KIAA1217: variants seen among roughly 807,000 people sequenced by gnomAD.
KIAA1217 encodes the protein KIAA1217, also known as sickle tail protein homolog.
A neutral mutation model predicts 163.9 loss-of-function variants in KIAA1217; 88 were observed. The ratio of observed to expected loss-of-function variants is 0.54; its 90% CI spans 0.45 to 0.64. The LOEUF (loss-of-function observed/expected upper bound fraction) is 0.64, where lower values mean the gene tolerates loss of function less well. KIAA1217 is among the 30% of genes least tolerant of loss of function. KIAA1217 has a pLI of 0.00. For missense variants in KIAA1217, 2,372 were observed against 2,475.0 expected (o/e 0.96, Z 0.88); for synonymous variants, 903 against 923.1 (o/e 0.98, Z 0.39).
rs76418441 is a variant in KIAA1217 at position 24,395,042 on chromosome 10, G to A, written c.553+13975G>A. Among the ~76,000 whole-genome samples, 1,511 of 152,184 alleles carry A rather than the reference G, an allele frequency of 9.9e-3. 24 individuals are homozygous for A. The highest frequency in any genetic ancestry group is 0.035 in the African/African-American group (1,434 of 41,506). On this transcript the variant is annotated intron_variant, in intron 3 of 20. Transcript: ENST00000376454. ...GGTGACATGGATGCTGCAGGTCAGG[G>A]GACCACTGATTGAGGGTGAGACATG...
chr10:24,295,747 C>T (rs996896700), intron 2 of KIAA1217, among the ~76,000 whole-genome samples: 1 of 152,096 alleles, frequency 6.6e-6, no homozygotes, highest in African/African-American at 2.4e-5. Context: ...CATCCTCTCC[C>T]TTCTATACCT....
chr10:24,533,302 C>A (rs553670078), intron 16 of KIAA1217, 65 bp downstream of exon 16: 4 of 1,494,336 alleles, frequency 2.7e-6, no homozygotes, highest in African/African-American at 2.8e-5. Flanking sequence ...AGCCATGGCA[C>A]TCACAGATTT....
chr10:24,485,983 A>G (rs2065343503), intron 6 of KIAA1217, among the ~76,000 whole-genome samples: 1 of 152,192 alleles, frequency 6.6e-6, no homozygotes, highest in Non-Finnish European at 1.5e-5. Flanking sequence ...TCAGGCCAAA[A>G]GTCTTGGTGT....
intron 1 of KIAA1217, among the ~76,000 whole-genome samples, chr10:23,780,818 T>C (rs1426186480): frequency 6.6e-6 from 1 of 152,076 alleles, no homozygotes; most frequent in East Asian, 1.9e-4. Context: ...GTAGCTGGGA[T>C]TACAGGTGCC....
chr10:24,393,564 A>G (rs1288914172), intron 3 of KIAA1217, among the ~76,000 whole-genome samples: 1 of 152,194 alleles, frequency 6.6e-6, no homozygotes, highest in Non-Finnish European at 1.5e-5. Context: ...ACCCTCTCCC[A>G]AATTCATATG....
At chr10:24,354,445 G>A (rs1162987508) in intron 2 of KIAA1217, among the ~76,000 whole-genome samples, 3 of 152,206 alleles carry the variant, frequency 2.0e-5, no homozygotes, top group Non-Finnish European at 4.4e-5. Flanking sequence ...GCTGCAGTGG[G>A]CATGTTACCA....
intron 3 of KIAA1217, among the ~76,000 whole-genome samples, chr10:24,391,688 G>A (rs1035733666): frequency 6.6e-6 from 1 of 152,110 alleles, no homozygotes; most frequent in African/African-American, 2.4e-5. Flanking sequence ...CCAGGCTGTT[G>A]TTAAACCTGG....
intron 6 of KIAA1217, among the ~76,000 whole-genome samples, chr10:24,486,022 C>T (rs746536269): frequency 3.3e-5 from 5 of 152,230 alleles, no homozygotes; most frequent in Non-Finnish European, 7.3e-5. Flanking sequence ...CCCAACCCTG[C>T]GTTTGGACAC....
chr10:24,355,062 G>A (rs2048913702), intron 2 of KIAA1217, among the ~76,000 whole-genome samples: 1 of 152,210 alleles, frequency 6.6e-6, no homozygotes, highest in African/African-American at 2.4e-5. Context: ...GTCTCCAGAG[G>A]TTAGTAGGTA....
At chr10:24,170,676 G>A (rs1246423383) in intron 2 of KIAA1217, among the ~76,000 whole-genome samples, 2 of 152,206 alleles carry the variant, frequency 1.3e-5, no homozygotes, top group Admixed American at 6.5e-5. Context: ...TACCTCTGCT[G>A]CTTATAGAGC....
intron 1 of KIAA1217, among the ~76,000 whole-genome samples, chr10:23,944,071 T>C (rs1843904611): frequency 6.6e-6 from 1 of 152,132 alleles, no homozygotes; most frequent in Non-Finnish European, 1.5e-5. Context: ...AAGAAAAAAT[T>C]GACAAATTGG....
At chr10:23,954,553 A>C (rs997571038) in intron 1 of KIAA1217, among the ~76,000 whole-genome samples, 8 of 151,682 alleles carry the variant, frequency 5.3e-5, no homozygotes, top group Middle Eastern at 3.4e-3. Context: ...CACCAGAAAG[A>C]GATTCTGTCT....
intron 2 of KIAA1217, among the ~76,000 whole-genome samples, chr10:24,296,291 G>A (rs1203184387): frequency 6.6e-6 from 1 of 152,088 alleles, no homozygotes; most frequent in African/African-American, 2.4e-5. Context: ...TTTTTGTAGA[G>A]AGGTGTCTCC....
chr10:24,341,868 A>G (rs577641589), intron 2 of KIAA1217, among the ~76,000 whole-genome samples: 18 of 140,562 alleles, frequency 1.3e-4, no homozygotes, highest in African/African-American at 4.0e-4. Context: ...GGAACTCTGG[A>G]AAAAAAAAAA....
chr10:24,055,885 A>T (rs2060512653), intron 2 of KIAA1217, among the ~76,000 whole-genome samples: 1 of 152,164 alleles, frequency 6.6e-6, no homozygotes. Context: ...TCAACAAATA[A>T]TAACAGGAGC....
chr10:24,480,569 A>G (rs2064549739), intron 6 of KIAA1217, among the ~76,000 whole-genome samples: 2 of 152,190 alleles, frequency 1.3e-5, no homozygotes, highest in African/African-American at 4.8e-5. Flanking sequence ...TAATAATAGT[A>G]TCTACCCCAC....
chr10:24,076,058 G>T (rs547014946), intron 2 of KIAA1217, among the ~76,000 whole-genome samples: 3 of 152,208 alleles, frequency 2.0e-5, no homozygotes, highest in East Asian at 3.9e-4. Context: ...GAATCACTTG[G>T]GGGGAGTAGG....
intron 2 of KIAA1217, among the ~76,000 whole-genome samples, chr10:24,379,579 T>TA (rs1311581702): frequency 1.3e-5 from 2 of 152,182 alleles, no homozygotes; most frequent in East Asian, 3.9e-4. Context: ...ATTGTCTGGA[T>TA]AATGCAATTG....
At chr10:23,856,837 G>A (rs1318421826) in intron 1 of KIAA1217, among the ~76,000 whole-genome samples, 1 of 152,222 alleles carries the variant, frequency 6.6e-6, no homozygotes, top group Non-Finnish European at 1.5e-5. Flanking sequence ...TAATCTCCTG[G>A]TGCGCCTTTT....
Sources: gnomAD v4.1 joint callset for allele counts (sites outside exome capture counted in the v4.1 genomes callset) on GRCh38, gnomAD v4.1.1 for gene constraint, MANE v1.5 for transcripts, NCBI Gene and HGNC (gene_info 2026-07-23, HGNC 2026-07-21) for gene names.